The following HSPG2 variants were observed in gnomAD, a reference collection of about 807,000 sequenced individuals.
HSPG2 encodes basement membrane-specific heparan sulfate proteoglycan core protein.
A neutral mutation model predicts 526.6 loss-of-function variants in HSPG2; 278 were observed. The observed-to-expected ratio is 0.53, with a 90% CI of 0.48 to 0.58. The LOEUF (loss-of-function observed/expected upper bound fraction) is 0.58, where lower values mean the gene tolerates loss of function less well. HSPG2 is among the 20% of genes least tolerant of loss of function. The pLI, the probability that HSPG2 is intolerant of heterozygous loss-of-function variation, is 0.00. For missense variants in HSPG2, 5,354 were observed against 6,099.5 expected (o/e 0.88, Z 4.07); for synonymous variants, 2,465 against 2,555.4 (o/e 0.96, Z 1.07).
At position 21,874,993 on chromosome 1, in the gene HSPG2, GC is replaced by G. The variant is rs1488486369; in HGVS notation, c.3311del (p.Gly1104AlafsTer170). 1 of 1,599,964 alleles carries G rather than the reference GC, an allele frequency of 6.3e-7. No homozygotes were observed. The highest frequency in any genetic ancestry group is 1.7e-5 in the Admixed American group (1 of 58,170). On this transcript the variant is annotated frameshift_variant, in exon 26 of 97. Coordinates refer to ENST00000374695, the MANE Select transcript of HSPG2 (RefSeq NM_005529.7). LOFTEE classifies it high-confidence loss of function. ...CGGGCACAGCCACGTCCATGCTGAT[GC>G]CAGAGACCCTGGGCGTGACAAGACC... ...AQQPAESRVSGISMDVAVPEE... is the reference protein window; with the variant it reads ...AQQPAESRVSXISMDVAVPEE...
chr1:21,880,992 G>C (rs1459338574), intron 14 of HSPG2, among the ~76,000 whole-genome samples, 157 bp from the exon 15 acceptor site: 1 of 152,216 alleles, frequency 6.6e-6, no homozygotes, highest in Non-Finnish European at 1.5e-5. Flanking sequence ...ACCGAGATGG[G>C]CGAGACTCAG....
intron 1 of HSPG2, among the ~76,000 whole-genome samples, chr1:21,920,580 G>T (rs1218641800): frequency 1.3e-5 from 2 of 152,350 alleles, no homozygotes; most frequent in Admixed American, 1.3e-4. Flanking sequence ...CCAGGCTGCA[G>T]TTTAATGTTA....
In HSPG2 at chr1:21,828,243, AG is replaced by A; in HGVS notation, c.12409+11del. 6.2e-7 allele frequency: 1 copy of A among 1,613,476 alleles called. No individual in the cohort carries two copies. Among genetic ancestry groups the A allele is most frequent in the Non-Finnish European group, 8.5e-7 (1 of 1,180,024 alleles). On this transcript the variant is annotated intron_variant, in intron 89 of 96. Coordinates refer to ENST00000374695, the MANE Select transcript of HSPG2 (RefSeq NM_005529.7). This position sits in a 1 kb window ranked among gnomAD's most constrained non-coding sequence, Gnocchi z 6.0. Reference sequence around the variant, plus strand: ...GCCCCTCCCCTCCGGTGCCCTGGGCAGGCTTTCCCACCTTTGAATCCATCTC... The same window carrying A: ...GCCCCTCCCCTCCGGTGCCCTGGGCAGCTTTCCCACCTTTGAATCCATCTC...
At chr1:21,830,146 G>T (rs2097996173) in intron 85 of HSPG2, 55 bp from the exon 86 acceptor site, 6 of 1,397,434 alleles carry the variant, frequency 4.3e-6, no homozygotes, top group African/African-American at 1.4e-5. Flanking sequence ...GAGGGAGGGG[G>T]GTCCTGATGC....
intron 76 of HSPG2, chr1:21,835,170 GT>G (rs1557684355): frequency 1.1e-5 from 7 of 645,448 alleles, no homozygotes; most frequent in Non-Finnish European, 2.0e-5. Flanking sequence ...AAGGGTCTTG[GT>G]TGTATTCACA....
Position 21,864,771 on chromosome 1 carries a change from G to T in HSPG2, c.4626+72C>A. 7.7e-7 allele frequency: 1 copy of T among 1,291,304 alleles called. No individual in the cohort carries two copies. Among genetic ancestry groups the T allele is most frequent in the Non-Finnish European group, 1.1e-6 (1 of 912,048 alleles). 80.0% of individuals were successfully genotyped at this position (1,291,304 alleles called of 1,614,324 possible). On this transcript the variant is annotated intron_variant, in intron 36 of 96. Coordinates refer to ENST00000374695, the MANE Select transcript of HSPG2 (RefSeq NM_005529.7). The surrounding 1 kb of genome is among the most constrained non-coding windows in gnomAD (Gnocchi z 4.8). The stretch of plus-strand genomic sequence containing the variant: ...AGTTATGATGGTAATCAAGGCTGCG[G>T]CGACGCCGGCTGATTTGCTTGCTGA...
chr1:21,827,943 T>C (rs147927082), intron 90 of HSPG2, 24 bp from the exon 91 acceptor site: 5 of 1,607,414 alleles, frequency 3.1e-6, no homozygotes, highest in East Asian at 2.2e-5. Flanking sequence ...CAGGGTCCAG[T>C]TGGTGGGCAT....
rs144743128 is a variant in HSPG2, at chr1:21,847,806, C to T, written c.7908G>A (p.Ser2636=). The T allele has an allele frequency of 4.7e-5, 76 of 1,613,814 alleles. No homozygotes were observed. The African/African-American group carries it at 6.9e-4, about 15-fold the overall frequency. The change falls in exon 61 of 97, where the codon TCG becomes TCA. Residue 2636 remains serine, a synonymous_variant. Transcript: ENST00000374695. The surrounding 1 kb of genome is among the most constrained non-coding windows in gnomAD (Gnocchi z 4.1). Reference sequence around the variant, plus strand: ...GCCCTTCCACCACCGTGGGGGAAGACGACTCGATCCTGATCGGTGGGGAGA... The same window carrying T: ...GCCCTTCCACCACCGTGGGGGAAGATGACTCGATCCTGATCGGTGGGGAGA... ...PSVSPPIRIE[S]SSPTVVEGQT...
intron 6 of HSPG2, chr1:21,888,586 G>A (rs1202569635): frequency 1.3e-5 from 14 of 1,056,898 alleles, no homozygotes; most frequent in African/African-American, 1.7e-5. Flanking sequence ...GGTTACAGGC[G>A]TGAGCCCCTG....
intron 65 of HSPG2, 75 bp downstream of exon 65, chr1:21,844,073 T>G (rs1572198712): frequency 6.3e-7 from 1 of 1,580,890 alleles, no homozygotes; most frequent in East Asian, 2.3e-5. Context: ...TGAGGCCACT[T>G]TCCCTTCAAC....
chr1:21,859,791 A>G lies in HSPG2; in HGVS notation c.5182+44T>C, dbSNP rs762322229. On this transcript the variant is annotated intron_variant, in intron 41 of 96. Coordinates refer to ENST00000374695, the MANE Select transcript of HSPG2 (RefSeq NM_005529.7). The surrounding 1 kb of genome is among the most constrained non-coding windows in gnomAD (Gnocchi z 5.3). The stretch of plus-strand genomic sequence containing the variant: ...GGGACAGGCCCCTGCCTCCCCTCCC[A>G]CTGGGATGGCTCTTGGGGCTGAGGA... The G allele has an allele frequency of 1.9e-6, 3 of 1,605,670 alleles. No homozygotes were observed. Among genetic ancestry groups the G allele is most frequent in the Admixed American group, 3.4e-5 (2 of 58,316 alleles).
chr1:21,846,735 C>T (rs1439966407), intron 62 of HSPG2, 136 bp from the exon 63 acceptor site: 11 of 992,792 alleles, frequency 1.1e-5, no homozygotes, highest in Non-Finnish European at 3.1e-6. Flanking sequence ...CATGGTGGCT[C>T]ATGCCTGTAA....
At chr1:21,838,723 G>T in intron 74 of HSPG2, 102 bp downstream of exon 74, 1 of 1,243,440 alleles carries the variant, frequency 8.0e-7, no homozygotes, top group South Asian at 1.3e-5. Flanking sequence ...ATTCCAGGTG[G>T]GGTTATGGAG....
intron 1 of HSPG2, among the ~76,000 whole-genome samples, chr1:21,924,882 A>G (rs1644143118): frequency 6.6e-6 from 1 of 152,176 alleles, no homozygotes. Flanking sequence ...CTTGCTCTTT[A>G]AGCCCCATTT....
rs182218855 is a variant in HSPG2, at chr1:21,908,466, T to C, written c.64-12156A>G. 2.0e-3 allele frequency: 1,652 copies of C among 842,938 alleles called. 6 individuals carry two copies. The highest frequency in any genetic ancestry group is 3.7e-3 in the Middle Eastern group (11 of 2,988). 52.2% of individuals were successfully genotyped at this position (842,938 alleles called of 1,614,324 possible). A position where few individuals can be genotyped will look rare whatever the true frequency, so the allele number is the denominator to read the frequency against. ...AAAAGAGAGAAGCCAAAGAGAAAGGTACCTGGGTTCAACTAAAGCGCCAGC... is the reference window on the plus strand; with the variant it reads ...AAAAGAGAGAAGCCAAAGAGAAAGGCACCTGGGTTCAACTAAAGCGCCAGC... On this transcript the variant is annotated intron_variant, in intron 1 of 96. Coordinates refer to ENST00000374695, the MANE Select transcript of HSPG2 (RefSeq NM_005529.7).
At chr1:21,841,977 C>T (rs770091610) in intron 69 of HSPG2, 25 bp downstream of exon 69, 19 of 1,612,252 alleles carry the variant, frequency 1.2e-5, no homozygotes, top group Non-Finnish European at 1.5e-5. Flanking sequence ...CCCAGCTTGC[C>T]CACCTGCCCA....
Position 21,861,750 on chromosome 1 carries a change from A to G in HSPG2, c.4955+7T>C. On this transcript the variant is annotated splice_region_variant and intron_variant, in intron 39 of 96. Transcript: ENST00000374695. The stretch of plus-strand genomic sequence containing the variant: ...CACCCTCCCCCTACTTCTGTTTACA[A>G]ACTTACTGCTCACAGTACTGGCCAG... 1 of 1,613,772 alleles carries G rather than the reference A, an allele frequency of 6.2e-7. No individual in the cohort carries two copies. Among genetic ancestry groups the G allele is most frequent in the Non-Finnish European group, 8.5e-7 (1 of 1,179,758 alleles).
At chr1:21,842,527 C>A (rs2098053191) in intron 67 of HSPG2, 147 bp from the exon 68 acceptor site, 1 of 1,056,764 alleles carries the variant, frequency 9.5e-7, no homozygotes. Flanking sequence ...TTCACAGAAT[C>A]CTAGAGGTCC....
At position 21,893,893 on chromosome 1, in the gene HSPG2, G is replaced by A. The variant is rs1337366412; in HGVS notation, c.244+2029C>T. On this transcript the variant is annotated intron_variant, in intron 3 of 96. Coordinates refer to ENST00000374695, the MANE Select transcript of HSPG2 (RefSeq NM_005529.7). The surrounding 1 kb of genome is among the most constrained non-coding windows in gnomAD (Gnocchi z 4.3). Reference sequence around the variant, plus strand: ...GAAAAAGAAAAAAAAAAAAGAACAGGCAGAGGGGAGAGAGGGAAAGACAGA... The same window carrying A: ...GAAAAAGAAAAAAAAAAAAGAACAGACAGAGGGGAGAGAGGGAAAGACAGA... Among the ~76,000 whole-genome samples the A allele has an allele frequency of 2.0e-5, 3 of 151,722 alleles. No individual in the cohort carries two copies. The highest frequency in any genetic ancestry group is 7.3e-5 in the African/African-American group (3 of 41,310).
Sources: gnomAD v4.1 joint callset for allele counts (sites outside exome capture counted in the v4.1 genomes callset) on GRCh38, gnomAD v4.1.1 for gene constraint, Gnocchi (gnomAD v3.1) non-coding constraint, MANE v1.5 for transcripts, NCBI Gene and HGNC (gene_info 2026-07-23, HGNC 2026-07-21) for gene names.